Variants in MAF observed in about 807,000 individuals in gnomAD.
The protein encoded by MAF is transcription factor Maf.
In MAF, 10 loss-of-function variants were observed where a neutral mutation model predicts 22.0. The ratio of observed to expected loss-of-function variants is 0.45; its 90% CI spans 0.28 to 0.77. The LOEUF is 0.77. Ranked by LOEUF, MAF falls within the 30% of genes least tolerant of loss-of-function variation. The pLI, the probability that MAF is intolerant of heterozygous loss-of-function variation, is 0.12. For synonymous variants in MAF, 337 were observed against 255.8 expected, an observed-to-expected ratio of 1.32 and a Z score of -3.03; for missense variants, 544 against 548.4, an observed-to-expected ratio of 0.99 and a Z score of 0.08.
At chr16:79,277,510 C>G in the MAF span, among the ~76,000 whole-genome samples, 34 of 152,316 alleles carry the variant, frequency 2.2e-4, no homozygotes, top group East Asian at 4.2e-3. Context: ...ATTTACCTCT[C>G]TAAGATTAGT....
the MAF span, among the ~76,000 whole-genome samples, chr16:79,538,745 G>C: frequency 2.0e-5 from 3 of 151,920 alleles, no homozygotes; most frequent in South Asian, 4.1e-4. Context: ...AGAATCACTT[G>C]AACCAAGGAG....
the MAF span, among the ~76,000 whole-genome samples, chr16:79,234,434 A>G: frequency 1.3e-5 from 2 of 152,196 alleles, no homozygotes; most frequent in Non-Finnish European, 2.9e-5. Flanking sequence ...TTGTCAATTT[A>G]GTAGCTTGTC....
chr16:79,463,266 T>G, the MAF span, among the ~76,000 whole-genome samples: 1 of 152,200 alleles, frequency 6.6e-6, no homozygotes, highest in Admixed American at 6.5e-5. Context: ...AGTTGGGCTT[T>G]CACCCCCACA....
At chr16:79,338,733 A>T in the MAF span, among the ~76,000 whole-genome samples, 1 of 152,196 alleles carries the variant, frequency 6.6e-6, no homozygotes, top group African/African-American at 2.4e-5. Context: ...CACTCGCGAC[A>T]CTTCACTTGG....
chr16:79,484,780 G>T, the MAF span, among the ~76,000 whole-genome samples: 1 of 152,234 alleles, frequency 6.6e-6, no homozygotes, highest in Non-Finnish European at 1.5e-5. Flanking sequence ...CGGAAAAGGG[G>T]TGACATGTGT....
At chr16:79,203,549 T>A in the MAF span, 1 of 151,680 alleles carries the variant, frequency 6.6e-6, no homozygotes, top group Admixed American at 6.6e-5. Flanking sequence ...ATAGAATACT[T>A]ATGGGGCATA....
At chr16:79,333,501 C>G in the MAF span, among the ~76,000 whole-genome samples, 1 of 152,130 alleles carries the variant, frequency 6.6e-6, no homozygotes. Context: ...TGTGCCAACA[C>G]GATTACCCAA....
chr16:79,287,123 T>C, the MAF span, among the ~76,000 whole-genome samples: 1 of 151,442 alleles, frequency 6.6e-6, no homozygotes, highest in African/African-American at 2.4e-5. Context: ...CCTTCCTTTT[T>C]TTTTTTTTTT....
At chr16:79,415,537 G>C in the MAF span, among the ~76,000 whole-genome samples, 1 of 152,174 alleles carries the variant, frequency 6.6e-6, no homozygotes, top group Non-Finnish European at 1.5e-5. Context: ...CAGGTTGTGA[G>C]GGAGGCTGGC....
At chr16:79,498,487 A>G in the MAF span, among the ~76,000 whole-genome samples, 7 of 152,392 alleles carry the variant, frequency 4.6e-5, no homozygotes, top group South Asian at 1.4e-3. Context: ...AACAGGCTTC[A>G]GGCTAGCTTT....
chr16:79,599,932 CGCT>C lies in MAF; in HGVS notation c.-33_-31del, dbSNP rs1401360313. 12 of 1,264,154 alleles carry C rather than the reference CGCT, an allele frequency of 9.5e-6. No individual in the cohort carries two copies. Among genetic ancestry groups the C allele is most frequent in the Non-Finnish European group, 1.3e-5 (12 of 899,346 alleles). The allele number at this position is 1,264,154 out of a possible 1,614,324, so 78.3% of individuals were successfully genotyped here. A position where few individuals can be genotyped will look rare whatever the true frequency, so the allele number is the denominator to read the frequency against. ...CTGCCGCCGCCGCCGCCGCCGCCGC[CGCT>C]CCGCCAGATGGGCTGCAGGAGAGGG... On this transcript the variant is annotated 5_prime_UTR_variant, in exon 1 of 2. Transcript: ENST00000326043.
the MAF span, among the ~76,000 whole-genome samples, chr16:79,464,156 C>A: frequency 1.3e-5 from 2 of 152,156 alleles, no homozygotes; most frequent in African/African-American, 4.8e-5. Context: ...TGGAAAGAAT[C>A]AATCATGCAT....
the MAF span, among the ~76,000 whole-genome samples, chr16:79,210,247 GACA>G: frequency 1.3e-5 from 2 of 152,110 alleles, no homozygotes; most frequent in East Asian, 1.9e-4. Flanking sequence ...AAACAACAAT[GACA>G]ACAACAAACC....
chr16:79,289,626 C>T, the MAF span, among the ~76,000 whole-genome samples: 11 of 152,080 alleles, frequency 7.2e-5, no homozygotes, highest in Admixed American at 2.0e-4. Flanking sequence ...CCACTGTGGC[C>T]ATATGGTTAT....
At chr16:79,246,548 G>GC in the MAF span, among the ~76,000 whole-genome samples, 1 of 129,592 alleles carries the variant, frequency 7.7e-6, no homozygotes, top group Non-Finnish European at 1.7e-5. Context: ...TTTGGGGGGG[G>GC]TGTGGGGGTG....
chr16:79,401,275 A>G, the MAF span, among the ~76,000 whole-genome samples: 1 of 152,182 alleles, frequency 6.6e-6, no homozygotes, highest in African/African-American at 2.4e-5. Flanking sequence ...ACTCTGTTTC[A>G]AATAGATTCC....
chr16:79,588,118 G>T lies in MAF; in HGVS notation c.1119-2177C>A, dbSNP rs1352146066. Among the ~76,000 whole-genome samples the T allele has an allele frequency of 2.6e-5, 4 of 152,284 alleles. No homozygotes were observed. In the East Asian group the frequency reaches 7.7e-4, roughly 29 times the overall value. ...TAACAATTGAAGAGTTCTTTAAATA[G>T]TACAGGAGCATGCACTGATATTCCA... On this transcript the variant is annotated intron_variant, in intron 1 of 1. Coordinates refer to the MAF transcript ENST00000569649.
chr16:79,471,539 T>G, the MAF span, among the ~76,000 whole-genome samples: 1 of 152,096 alleles, frequency 6.6e-6, no homozygotes, highest in Non-Finnish European at 1.5e-5. Context: ...TAGTTGGGCA[T>G]GGTGGTGCAC....
chr16:79,316,869 G>C, the MAF span, among the ~76,000 whole-genome samples: 5 of 152,300 alleles, frequency 3.3e-5, no homozygotes, highest in African/African-American at 1.2e-4. Context: ...GAAAGAGGGT[G>C]AGGTTGGAGA....
Sources: allele counts gnomAD v4.1 joint callset (sites outside exome capture counted in the v4.1 genomes callset), GRCh38; gene constraint gnomAD v4.1.1; transcripts MANE v1.5; gene names NCBI Gene and HGNC (gene_info 2026-07-23, HGNC 2026-07-21).